Variants in LRFN5 observed in about 807,000 individuals in gnomAD.
LRFN5 encodes leucine-rich repeat and fibronectin type-III domain-containing protein 5.
A neutral mutation model predicts 45.6 loss-of-function variants in LRFN5; 24 were observed. That is an observed-to-expected ratio of 0.53 (90% CI 0.38 to 0.74). LRFN5 has a LOEUF of 0.74. LRFN5 is among the 30% of genes least tolerant of loss of function. The probability of loss-of-function intolerance (pLI) is 0.00; values close to 1 mark genes in which losing one functional copy is unlikely to be tolerated. For synonymous variants in LRFN5, 340 were observed against 313.8 expected (o/e 1.08, Z -0.88); for missense variants, 776 against 861.5 (o/e 0.90, Z 1.24).
intron 2 of LRFN5, among the ~76,000 whole-genome samples, chr14:41,856,032 A>C (rs905535988): frequency 1.3e-5 from 2 of 152,138 alleles, no homozygotes; most frequent in Non-Finnish European, 2.9e-5. Context: ...TAGGCCTTTC[A>C]GACAGTTAAT....
At chr14:41,748,505 T>G (rs1464484442) in intron 1 of LRFN5, among the ~76,000 whole-genome samples, 1 of 152,174 alleles carries the variant, frequency 6.6e-6, no homozygotes, top group East Asian at 1.9e-4. Context: ...TGCAAGGGGC[T>G]TCAGGTAGGG....
At chr14:41,824,691 C>T (rs2139020418) in intron 2 of LRFN5, among the ~76,000 whole-genome samples, 1 of 152,248 alleles carries the variant, frequency 6.6e-6, no homozygotes, top group East Asian at 1.9e-4. Flanking sequence ...ATGAGAAGGA[C>T]CTCTCTGTTG....
chr14:41,671,837 T>C (rs1451925752), intron 1 of LRFN5, among the ~76,000 whole-genome samples: 2 of 151,962 alleles, frequency 1.3e-5, no homozygotes, highest in Non-Finnish European at 2.9e-5. Context: ...AGGCTGGCCT[T>C]GAACTCCTGA....
rs1273028054 is a variant in LRFN5, at chr14:41,808,589, GGAAGGAAC to G, written c.-21+41568_-21+41575del. ...AGGAAGGAAGGAAGGAAGGAAGGAA[GGAAGGAAC>G]GAAGGAAGGAAGGGACCTATGAAAT... On this transcript the variant is annotated intron_variant, in intron 2 of 5. Coordinates refer to ENST00000298119, the MANE Select transcript of LRFN5 (RefSeq NM_152447.5). Among the ~76,000 whole-genome samples, 742 of 133,942 alleles carry G rather than the reference GGAAGGAAC, an allele frequency of 5.5e-3. 14 individuals are homozygous for G. Among genetic ancestry groups the G allele is most frequent in the African/African-American group, 0.019 (695 of 35,720 alleles). The allele number at this position is 133,942 out of a possible 152,430, so 87.9% of individuals were successfully genotyped here. A position where few individuals can be genotyped will look rare whatever the true frequency, so the allele number is the denominator to read the frequency against.
At chr14:41,707,618 TTCTCTC>T (rs1336379001) in intron 1 of LRFN5, among the ~76,000 whole-genome samples, 1 of 152,134 alleles carries the variant, frequency 6.6e-6, no homozygotes, top group Non-Finnish European at 1.5e-5. Flanking sequence ...CTTCTGGACT[TTCTCTC>T]TTAATCTATT....
intron 1 of LRFN5, among the ~76,000 whole-genome samples, chr14:41,698,016 A>G (rs1032401965): frequency 6.6e-6 from 1 of 151,956 alleles, no homozygotes; most frequent in Non-Finnish European, 1.5e-5. Context: ...TAGGAATTAT[A>G]GAGACTAGGG....
intron 1 of LRFN5, among the ~76,000 whole-genome samples, chr14:41,663,604 A>G (rs1391993078): frequency 6.6e-6 from 1 of 151,994 alleles, no homozygotes; most frequent in Non-Finnish European, 1.5e-5. Flanking sequence ...CTCCGTGAAG[A>G]CATTACTCAT....
chr14:41,739,192 C>G (rs1258255677), intron 1 of LRFN5, among the ~76,000 whole-genome samples: 1 of 152,030 alleles, frequency 6.6e-6, no homozygotes, highest in Non-Finnish European at 1.5e-5. Context: ...CTGAGGCAAG[C>G]CTGGGCAACA....
At chr14:41,720,506 A>T (rs1160761388) in intron 1 of LRFN5, among the ~76,000 whole-genome samples, 1 of 152,024 alleles carries the variant, frequency 6.6e-6, no homozygotes, top group East Asian at 1.9e-4. Context: ...TAACTTTTTG[A>T]TATAGGTGTT....
At chr14:41,849,892 A>T (rs574526315) in intron 2 of LRFN5, among the ~76,000 whole-genome samples, 3 of 152,076 alleles carry the variant, frequency 2.0e-5, no homozygotes, top group African/African-American at 7.2e-5. Context: ...GTGATTAGTC[A>T]ACTTTGTTAA....
At chr14:41,780,271 A>G (rs1886435192) in intron 2 of LRFN5, among the ~76,000 whole-genome samples, 1 of 151,904 alleles carries the variant, frequency 6.6e-6, no homozygotes, top group Non-Finnish European at 1.5e-5. Context: ...ATTTATTTCC[A>G]TAGTCATCTT....
In LRFN5 at chr14:41,664,369, A is replaced by G. The variant is rs571712336; in HGVS notation, c.-197+55807A>G. On this transcript the variant is annotated intron_variant, in intron 1 of 5. Transcript: ENST00000298119. ...TCAGTTGTCTGTGCCATCATTTTGT[A>G]CATTTTTCCTTGTGACAATTTTTCT... Among the ~76,000 whole-genome samples, 3 of 151,958 alleles carry G rather than the reference A, an allele frequency of 2.0e-5. No homozygotes were observed. In the South Asian group the frequency reaches 6.3e-4, roughly 32 times the overall value.
At position 41,625,461 on chromosome 14, in the gene LRFN5, A is replaced by G. The variant is rs112058631; in HGVS notation, c.-197+16899A>G. ...TTCCTGAAAGCCTCCCCAGCCATGCAAAACTGTGAGTCAGTTAAACCTCCT... is the reference window on the plus strand; with the variant it reads ...TTCCTGAAAGCCTCCCCAGCCATGCGAAACTGTGAGTCAGTTAAACCTCCT... On this transcript the variant is annotated intron_variant, in intron 1 of 5. Transcript: ENST00000298119. Among the ~76,000 whole-genome samples, 962 of 152,260 alleles carry G rather than the reference A, an allele frequency of 6.3e-3. 16 individuals are homozygous for G. The highest frequency in any genetic ancestry group is 0.023 in the African/African-American group (937 of 41,558).
In LRFN5 at chr14:41,619,948, AT is replaced by A. The variant is rs1347036159; in HGVS notation, c.-197+11388del. Among the ~76,000 whole-genome samples, 10 of 152,230 alleles carry A rather than the reference AT, an allele frequency of 6.6e-5. No individual in the cohort carries two copies. In the East Asian group the frequency reaches 1.5e-3, roughly 24 times the overall value. ...TGCTCAAACAGCACTAGCAATTATT[AT>A]TATTATATATTGAAAGTGAGAAAAT... On this transcript the variant is annotated intron_variant, in intron 1 of 5. Transcript: ENST00000298119.
intron 1 of LRFN5, among the ~76,000 whole-genome samples, chr14:41,714,621 A>G (rs1005156311): frequency 6.6e-6 from 1 of 152,184 alleles, no homozygotes. Context: ...GATGCTAAAA[A>G]TCAGCTGGAT....
intron 1 of LRFN5, among the ~76,000 whole-genome samples, chr14:41,692,763 C>T (rs1308586402): frequency 6.6e-6 from 1 of 152,122 alleles, no homozygotes; most frequent in African/African-American, 2.4e-5. Flanking sequence ...TTTTCTTTTA[C>T]AGTGTGAATT....
chr14:41,851,617 A>T, intron 2 of LRFN5, among the ~76,000 whole-genome samples: 1 of 151,752 alleles, frequency 6.6e-6, no homozygotes, highest in Non-Finnish European at 1.5e-5. Flanking sequence ...TGGTTGTTTA[A>T]TTTTTTCTGA....
intron 2 of LRFN5, among the ~76,000 whole-genome samples, chr14:41,821,107 T>A (rs1688420965): frequency 3.3e-5 from 5 of 151,938 alleles, no homozygotes. Flanking sequence ...TTTAATTTTT[T>A]TCTTGCCTGA....
intron 5 of LRFN5, among the ~76,000 whole-genome samples, chr14:41,902,478 T>A (rs1042449325): frequency 1.3e-5 from 2 of 151,904 alleles, no homozygotes; most frequent in African/African-American, 4.8e-5. Context: ...TTCATATTAT[T>A]TAATAATTTT....
Sources: gnomAD v4.1 joint callset for allele counts (sites outside exome capture counted in the v4.1 genomes callset) on GRCh38, gnomAD v4.1.1 for gene constraint, MANE v1.5 for transcripts, NCBI Gene and HGNC (gene_info 2026-07-23, HGNC 2026-07-21) for gene names.